SCARA5: variants seen among roughly 807,000 people sequenced by gnomAD.
The protein encoded by SCARA5 is scavenger receptor class A, member 5 (putative).
A neutral mutation model predicts 46.3 loss-of-function variants in SCARA5; 45 were observed. The observed-to-expected ratio is 0.97, with a 90% confidence interval of 0.76 to 1.24. The LOEUF is 1.24. SCARA5 is among the 50% of genes most tolerant of loss of function. The pLI is 0.00. For missense variants in SCARA5, 680 were observed against 689.0 expected, an observed-to-expected ratio of 0.99 and a Z score of 0.15; for synonymous variants, 333 against 306.5, an observed-to-expected ratio of 1.09 and a Z score of -0.90.
At position 27,907,255 on chromosome 8, in the gene SCARA5, A is replaced by G. The variant is rs913137833; in HGVS notation, c.998-9T>C. ...TCTCTCCCCGGGCAGACCTGGGGAG[A>G]AAACAGACAAATGGCAGAGCCTCAG... On this transcript the variant is annotated splice_polypyrimidine_tract_variant and intron_variant, in intron 5 of 8. Transcript: ENST00000354914. The G allele has an allele frequency of 6.2e-7, 1 of 1,600,612 alleles. No homozygotes were observed. The highest frequency in any genetic ancestry group is 1.3e-5 in the African/African-American group (1 of 74,616).
chr8:27,930,209 T>A lies in SCARA5; in HGVS notation c.242-7964A>T, dbSNP rs116690743. ...GTTGTGGGAGGCACACGGTGCAAGG[T>A]AATTGAATCATGGGGAACGGTCTTT... is the stretch of plus-strand genomic sequence containing the variant. On this transcript the variant is annotated intron_variant, in intron 3 of 8. Transcript: ENST00000354914. Among the ~76,000 whole-genome samples, 870 of 152,200 alleles carry A rather than the reference T, an allele frequency of 5.7e-3. 7 individuals carry two copies. The highest frequency in any genetic ancestry group is 0.02 in the African/African-American group (823 of 41,520).
intron 3 of SCARA5, among the ~76,000 whole-genome samples, chr8:27,939,667 C>T (rs1807912086): frequency 6.6e-6 from 1 of 152,178 alleles, no homozygotes; most frequent in Admixed American, 6.5e-5. Context: ...ATGGCCCATC[C>T]ACCTAACTGG....
At chr8:27,986,820 A>G (rs972461298) in intron 2 of SCARA5, among the ~76,000 whole-genome samples, 2 of 152,130 alleles carry the variant, frequency 1.3e-5, no homozygotes, top group African/African-American at 4.8e-5. Flanking sequence ...GCTTCATTCT[A>G]TTTCTCTTTG....
chr8:27,940,760 G>GTCCATCCATCCATCCATCCA (rs60443615), intron 3 of SCARA5, among the ~76,000 whole-genome samples: 1 of 128,364 alleles, frequency 7.8e-6, no homozygotes, highest in East Asian at 2.3e-4. Flanking sequence ...CCAACCATCT[G>GTCCATCCATCCATCCATCCA]TCCATCCATC....
intron 6 of SCARA5, among the ~76,000 whole-genome samples, chr8:27,905,232 G>T (rs1374988722): frequency 6.6e-6 from 1 of 152,124 alleles, no homozygotes; most frequent in African/African-American, 2.4e-5. Flanking sequence ...TCTATGTTGA[G>T]CAGGTTTTCT....
intron 5 of SCARA5, 80 bp from the exon 6 acceptor site, chr8:27,907,326 C>T: frequency 1.0e-6 from 1 of 969,760 alleles, no homozygotes; most frequent in South Asian, 1.5e-5. Context: ...GGGTTCAAGG[C>T]TCAGCCTCCC....
chr8:27,981,537 G>C (rs563281321), intron 2 of SCARA5, among the ~76,000 whole-genome samples: 1 of 152,224 alleles, frequency 6.6e-6, no homozygotes, highest in African/African-American at 2.4e-5. Flanking sequence ...GGGCTCCCCC[G>C]TGAGTTGAGT....
chr8:27,919,496 T>C (rs1474695093), intron 4 of SCARA5, among the ~76,000 whole-genome samples: 1 of 152,052 alleles, frequency 6.6e-6, no homozygotes, highest in African/African-American at 2.4e-5. Context: ...GAGGCAGACC[T>C]TGTCAACCTG....
At chr8:27,884,722 T>C (rs975878898) in intron 7 of SCARA5, among the ~76,000 whole-genome samples, 1 of 152,218 alleles carries the variant, frequency 6.6e-6, no homozygotes, top group Non-Finnish European at 1.5e-5. Context: ...ACCTACTCGT[T>C]TAGCCAAGTA....
Position 27,989,129 on chromosome 8 carries a change from C to CTTTTTT in SCARA5, c.-15-1505_-15-1500dup, listed in dbSNP as rs34929623. Among the ~76,000 whole-genome samples the CTTTTTT allele has an allele frequency of 2.4e-3, 165 of 68,310 alleles. 2 individuals are homozygous for CTTTTTT. The highest frequency in any genetic ancestry group is 4.6e-3 in the African/African-American group (75 of 16,222). The allele number at this position is 68,310 out of a possible 152,430, so 44.8% of individuals were successfully genotyped here. A position where few individuals can be genotyped will look rare whatever the true frequency, so the allele number is the denominator to read the frequency against. On this transcript the variant is annotated intron_variant, in intron 1 of 8. Transcript: ENST00000354914. Reference sequence around the variant, plus strand: ...TTTTTTTTTTTCTGTTTCTTTCTTTCTTTTTTTTTTTTTTTTTTTTTTTTG... The same window carrying CTTTTTT: ...TTTTTTTTTTTCTGTTTCTTTCTTTCTTTTTTTTTTTTTTTTTTTTTTTTTTTTTTG...
chr8:27,966,623 T>G, intron 2 of SCARA5, 81 bp from the exon 3 acceptor site: 1 of 1,405,396 alleles, frequency 7.1e-7, no homozygotes, highest in Non-Finnish European at 9.6e-7. Flanking sequence ...GTCTCATCTC[T>G]CCCTGATGCA....
chr8:27,962,038 A>G (rs190838845), intron 3 of SCARA5, among the ~76,000 whole-genome samples: 9 of 152,338 alleles, frequency 5.9e-5, no homozygotes, highest in Admixed American at 2.6e-4. Flanking sequence ...AAGGCAATTC[A>G]CAAGGATACA....
chr8:27,968,596 A>G (rs1055840354), intron 2 of SCARA5, among the ~76,000 whole-genome samples: 6 of 152,216 alleles, frequency 3.9e-5, no homozygotes, highest in Admixed American at 1.3e-4. Flanking sequence ...GTTCCTCTCA[A>G]GAGTCAGAGT....
rs536662514 is a variant in SCARA5 at position 27,948,002 on chromosome 8, T to C, written c.241+18412A>G. On this transcript the variant is annotated intron_variant, in intron 3 of 8. Coordinates refer to ENST00000354914, the MANE Select transcript of SCARA5 (RefSeq NM_173833.6). ...GGGGGAATGAGGAGTTCAGGTCTAG[T>C]GGATGCAGTTTCAGCTTGGAGATAT... Among the ~76,000 whole-genome samples, 3 of 152,164 alleles carry C rather than the reference T, an allele frequency of 2.0e-5. No individual in the cohort carries two copies. The South Asian group carries it at 6.2e-4, about 32-fold the overall frequency.
chr8:27,888,870 G>A (rs1806937995), intron 7 of SCARA5, among the ~76,000 whole-genome samples: 1 of 152,170 alleles, frequency 6.6e-6, no homozygotes, highest in Admixed American at 6.5e-5. Context: ...GGGAACACAG[G>A]GCAGGAGACT....
intron 2 of SCARA5, 35 bp downstream of exon 2, chr8:27,987,469 A>G: frequency 6.7e-7 from 1 of 1,492,196 alleles, no homozygotes; most frequent in Non-Finnish European, 9.3e-7. Flanking sequence ...CCCAGGCCAG[A>G]TCTTGTGCCC....
chr8:27,907,571 A>G (rs897426311), intron 5 of SCARA5, among the ~76,000 whole-genome samples: 4 of 60,460 alleles, frequency 6.6e-5, no homozygotes, highest in Non-Finnish European at 1.2e-4. Flanking sequence ...ATCAGCAAAC[A>G]CTTTTTTTTT....
chr8:27,893,456 A>C (rs1752394062), intron 7 of SCARA5, among the ~76,000 whole-genome samples: 1 of 152,088 alleles, frequency 6.6e-6, no homozygotes, highest in Admixed American at 6.6e-5. Flanking sequence ...TGTTTTGTAA[A>C]TATATATGTC....
chr8:27,975,995 G>A (rs989581842), intron 2 of SCARA5, among the ~76,000 whole-genome samples: 41 of 152,222 alleles, frequency 2.7e-4, no homozygotes, highest in African/African-American at 9.4e-4. Flanking sequence ...TACAATGTGT[G>A]TTATTTTTCC....
Sources: allele counts gnomAD v4.1 joint callset (sites outside exome capture counted in the v4.1 genomes callset), GRCh38; gene constraint gnomAD v4.1.1; transcripts MANE v1.5; gene names NCBI Gene and HGNC (gene_info 2026-07-23, HGNC 2026-07-21).